Variants in MGAM observed in about 807,000 individuals in gnomAD.
MGAM encodes the protein maltase-glucoamylase, also known as alpha-1,4-glucosidase.
A neutral mutation model predicts 358.8 loss-of-function variants in MGAM; 253 were observed. The ratio of observed to expected loss-of-function variants is 0.71; its 90% CI spans 0.64 to 0.78. The LOEUF is 0.78. MGAM is among the 30% of genes least tolerant of loss of function. MGAM has a pLI of 0.00. For synonymous variants in MGAM, 1,105 were observed against 1,227.1 expected (o/e 0.90, Z 2.08); for missense variants, 3,080 against 3,432.6 (o/e 0.90, Z 2.57).
chr7:142,078,333 G>A lies in MGAM; in HGVS notation c.5509G>A (p.Asp1837Asn). Residue 1837 changes from aspartate to asparagine, a missense_variant, in exon 48 of 71, where the codon GAC becomes AAC. Transcript: ENST00000475668. ...ATTCCTACAGGTCGCCATTATCACAGACATCAATCTTTTCCTGGGAGAAGC... is the reference window on the plus strand; with the variant it reads ...ATTCCTACAGGTCGCCATTATCACAAACATCAATCTTTTCCTGGGAGAAGC... The part of the protein sequence containing the change: ...DSNLKVAIIT[D>N]INLFLGEAYT... The A allele has an allele frequency of 1.3e-6, 2 of 1,482,982 alleles. 1 individual carries two copies. Among genetic ancestry groups the A allele is most frequent in the East Asian group, 4.9e-5 (2 of 40,894 alleles). 91.9% of individuals were successfully genotyped at this position (1,482,982 alleles called of 1,614,324 possible).
At chr7:142,064,211 G>A (rs1488927940) in intron 36 of MGAM, among the ~76,000 whole-genome samples, 173 bp from the exon 37 acceptor site, 1 of 152,192 alleles carries the variant, frequency 6.6e-6, no homozygotes, top group Non-Finnish European at 1.5e-5. Flanking sequence ...AAACACAGCA[G>A]GCGCCAATGC....
intron 21 of MGAM, among the ~76,000 whole-genome samples, chr7:142,045,077 A>C (rs1210506273): frequency 1.0e-5 from 1 of 98,362 alleles, no homozygotes; most frequent in Non-Finnish European, 1.9e-5. Context: ...TATACGTGTA[A>C]TATATGATAT....
chr7:142,031,884 G>T, intron 13 of MGAM, 91 bp downstream of exon 13: 1 of 815,840 alleles, frequency 1.2e-6, no homozygotes, highest in African/African-American at 1.7e-5. Flanking sequence ...CATAGGGAGA[G>T]GAGGAGGAGA....
At chr7:142,060,800 G>A (rs1312778072) in intron 34 of MGAM, among the ~76,000 whole-genome samples, 1 of 152,016 alleles carries the variant, frequency 6.6e-6, no homozygotes, top group Non-Finnish European at 1.5e-5. Context: ...GACTGACTAG[G>A]TCATTTTCTT....
At chr7:142,097,943 T>C (rs1816089689) in intron 66 of MGAM, among the ~76,000 whole-genome samples, 1 of 152,242 alleles carries the variant, frequency 6.6e-6, no homozygotes, top group Non-Finnish European at 1.5e-5. Context: ...TTACAATGTT[T>C]TGTAAAGGCA....
At chr7:142,042,050 A>AT (rs1554469204) in intron 21 of MGAM, among the ~76,000 whole-genome samples, 3 of 60,254 alleles carry the variant, frequency 5.0e-5, no homozygotes, top group African/African-American at 1.7e-4. Flanking sequence ...TATAATATAT[A>AT]ATATATATAC....
intron 52 of MGAM, 144 bp from the exon 53 acceptor site, chr7:142,083,157 A>C: frequency 1.6e-6 from 1 of 627,072 alleles, no homozygotes; most frequent in Non-Finnish European, 2.6e-6. Flanking sequence ...GAACTTCTTC[A>C]GTTCTATGTG....
At chr7:142,050,197 G>T in intron 22 of MGAM, 38 bp from the exon 23 acceptor site, 1 of 1,606,508 alleles carries the variant, frequency 6.2e-7, no homozygotes, top group Non-Finnish European at 8.5e-7. Flanking sequence ...TCTGAGGTGG[G>T]CAGGCCAGAA....
rs1811116885 is a variant in MGAM at position 142,052,706 on chromosome 7, CTTTACTAACCCTG to C, written c.2959-73_2959-61del. 13 of 1,538,034 alleles carry C rather than the reference CTTTACTAACCCTG, an allele frequency of 8.5e-6. No individual in the cohort carries two copies. In the Admixed American group the frequency reaches 2.3e-4, roughly 28 times the overall value. ...CTAGTTTTATCGTCATATAAAATGA[CTTTACTAACCCTG>C]TTTAGGTTAGAGAACTTTAAGACCA... On this transcript the variant is annotated intron_variant, in intron 25 of 70. Transcript: ENST00000475668.
chr7:142,082,387 C>G lies in MGAM; in HGVS notation c.6172-88C>G, dbSNP rs1317532539. 9.3e-6 allele frequency: 12 copies of G among 1,286,810 alleles called. No homozygotes were observed. The East Asian group carries it at 1.8e-4, about 19-fold the overall frequency. 79.7% of individuals were successfully genotyped at this position (1,286,810 alleles called of 1,614,324 possible). On this transcript the variant is annotated intron_variant, in intron 51 of 70. Transcript: ENST00000475668. Reference sequence around the variant, plus strand: ...AATTGATTTCATGGAGAAAACTAGACCCATCTTAGCAAGCATATTTTTGTT... The same window carrying G: ...AATTGATTTCATGGAGAAAACTAGAGCCATCTTAGCAAGCATATTTTTGTT...
In MGAM at chr7:142,066,819, A is replaced by C. The variant is rs551635389; in HGVS notation, c.4919+98A>C. On this transcript the variant is annotated intron_variant, in intron 41 of 70. Transcript: ENST00000475668. ...ACAACGCTTCCAAATTAAAGACATG[A>C]TGGCCTTTTGACATGAGCTCTTCAG... The C allele has an allele frequency of 8.8e-6, 12 of 1,370,552 alleles. 2 individuals carry two copies. The South Asian group carries it at 1.6e-4, about 18-fold the overall frequency. The allele number at this position is 1,370,552 out of a possible 1,614,324, so 84.9% of individuals were successfully genotyped here.
chr7:142,092,315 T>A (rs80104641), intron 58 of MGAM, among the ~76,000 whole-genome samples: 1 of 139,480 alleles, frequency 7.2e-6, no homozygotes, highest in African/African-American at 2.8e-5. Context: ...TTGAGAGAGA[T>A]TTTTTTTTAA....
intron 3 of MGAM, among the ~76,000 whole-genome samples, chr7:142,010,504 T>G (rs1361265759): frequency 6.6e-6 from 1 of 152,036 alleles, no homozygotes; most frequent in Non-Finnish European, 1.5e-5. Context: ...ATATTTTCCT[T>G]AACAATAATT....
In MGAM at chr7:142,082,224, A is replaced by T; in HGVS notation, c.6171+14A>T. Reference sequence around the variant, plus strand: ...CAGCCCCCAGGGGTAAGGACAGAGCATTTGAGATCTGTGTCTCTGCTTCTC... The same window carrying T: ...CAGCCCCCAGGGGTAAGGACAGAGCTTTTGAGATCTGTGTCTCTGCTTCTC... On this transcript the variant is annotated intron_variant, in intron 51 of 70. Coordinates refer to ENST00000475668, the MANE Select transcript of MGAM (RefSeq NM_001365693.1). 1 of 1,548,550 alleles carries T rather than the reference A, an allele frequency of 6.5e-7. No individual in the cohort carries two copies. Among genetic ancestry groups the T allele is most frequent in the South Asian group, 1.1e-5 (1 of 88,724 alleles).
chr7:142,097,921 T>C (rs1256363159), intron 66 of MGAM, among the ~76,000 whole-genome samples: 2 of 152,256 alleles, frequency 1.3e-5, no homozygotes, highest in African/African-American at 4.8e-5. Context: ...TATTTTCTTA[T>C]ATCACTGCTA....
In MGAM at chr7:142,094,383, G is replaced by C. The variant is rs78195401; in HGVS notation, c.7192G>C (p.Gly2398Arg). The change falls in exon 61 of 71, where the codon GGA becomes CGA. Residue 2398 changes from glycine (G) to arginine (R), a missense_variant. Gly to Arg is a moderately radical substitution (Grantham distance 125). This residue lies in a region of MGAM where 932 missense variants were observed against 1,198.2 expected (regional missense o/e 0.78). Coordinates refer to ENST00000475668, the MANE Select transcript of MGAM (RefSeq NM_001365693.1). ...PTYEAVQEVT[G>R]QRGVVITRST... ...AACCAGAGCCGTGCAGGAGGTGACA[G>C]GACAGCGAGGGGTCGTCATCACCCG... 2 of 1,527,810 alleles carry C rather than the reference G, an allele frequency of 1.3e-6. No individual in the cohort carries two copies. The highest frequency in any genetic ancestry group is 1.4e-5 in the African/African-American group (1 of 74,010). The allele number at this position is 1,527,810 out of a possible 1,614,324, so 94.6% of individuals were successfully genotyped here.
At chr7:141,992,062 T>C (rs1554447468), upstream of MGAM, among the ~76,000 whole-genome samples, 1 of 152,206 alleles carries the variant, frequency 6.6e-6, no homozygotes, top group African/African-American at 2.4e-5. Flanking sequence ...GAATGAGAGA[T>C]TGGCATATTT....
intron 14 of MGAM, among the ~76,000 whole-genome samples, chr7:142,033,927 A>G (rs1452980919): frequency 1.3e-5 from 2 of 152,202 alleles, no homozygotes; most frequent in African/African-American, 4.8e-5. Flanking sequence ...TTACACTTTC[A>G]TTCAGTATTT....
At chr7:142,099,533 A>G in intron 66 of MGAM, 80 bp from the exon 67 acceptor site, 2 of 1,603,964 alleles carry the variant, frequency 1.2e-6, no homozygotes, top group South Asian at 1.1e-5. Context: ...AGAAGGGAGG[A>G]TGAGATGTCT....
Sources: allele counts gnomAD v4.1 joint callset (sites outside exome capture counted in the v4.1 genomes callset), GRCh38; gene constraint gnomAD v4.1.1; regional missense constraint gnomAD v4.1.1; transcripts MANE v1.5; gene names NCBI Gene and HGNC (gene_info 2026-07-23, HGNC 2026-07-21).